The following EPB41L4A variants were observed in gnomAD, a reference collection of about 807,000 sequenced individuals.
The protein encoded by EPB41L4A is erythrocyte membrane protein band 4.1 like 4A.
A neutral mutation model predicts 108.6 loss-of-function variants in EPB41L4A; 100 were observed. The observed-to-expected ratio is 0.92, with a 90% CI of 0.78 to 1.09. The LOEUF (loss-of-function observed/expected upper bound fraction) is 1.09. Among genes scored for constraint, EPB41L4A ranks in the 50% least tolerant of loss-of-function variants. The pLI, the probability that EPB41L4A is intolerant of heterozygous loss-of-function variation, is 0.00. For missense variants in EPB41L4A, 1,030 were observed against 842.7 expected (o/e 1.22, Z -2.75); for synonymous variants, 319 against 289.0 (o/e 1.10, Z -1.05).
chr5:112,301,683 G>A (rs552897239), intron 2 of EPB41L4A, among the ~76,000 whole-genome samples: 62 of 152,214 alleles, frequency 4.1e-4, no homozygotes, highest in African/African-American at 1.4e-3. Flanking sequence ...CGATCCGTCC[G>A]AGTGGGAACT....
intron 12 of EPB41L4A, among the ~76,000 whole-genome samples, chr5:112,220,303 C>T (rs1363547231): frequency 6.6e-6 from 1 of 152,124 alleles, no homozygotes; most frequent in Admixed American, 6.6e-5. Flanking sequence ...CCGCTGGGTC[C>T]TCCTTCAATT....
At position 112,394,626 on chromosome 5, in the gene EPB41L4A, G is replaced by A. The variant is rs377702787; in HGVS notation, c.99+24315C>T. On this transcript the variant is annotated intron_variant, in intron 1 of 22. Transcript: ENST00000261486. ...AAATGGAAGAACATTCCATGCTCAT[G>A]GATAGGAAGAATCAATATTGTGAAA... is the stretch of plus-strand genomic sequence containing the variant. 2.0e-5 allele frequency among the ~76,000 whole-genome samples: 3 copies of A among 152,162 alleles called. No homozygotes were observed. The East Asian group carries it at 5.8e-4, about 29-fold the overall frequency.
At chr5:112,344,510 G>C (rs894026511) in intron 1 of EPB41L4A, among the ~76,000 whole-genome samples, 1 of 152,344 alleles carries the variant, frequency 6.6e-6, no homozygotes, top group East Asian at 1.9e-4. Flanking sequence ...AACTTGGTTA[G>C]GCTATGCTCC....
At chr5:112,300,543 T>C (rs1259510324) in intron 2 of EPB41L4A, among the ~76,000 whole-genome samples, 1 of 152,212 alleles carries the variant, frequency 6.6e-6, no homozygotes, top group Non-Finnish European at 1.5e-5. Context: ...TTTTCCTTTA[T>C]AGATTACCTA....
chr5:112,243,689 G>C (rs998668009), intron 9 of EPB41L4A, among the ~76,000 whole-genome samples: 4 of 152,134 alleles, frequency 2.6e-5, no homozygotes, highest in Non-Finnish European at 4.4e-5. Flanking sequence ...GCTTCACCTT[G>C]TACTTTTTAT....
At chr5:112,238,578 T>C (rs1749531857) in intron 11 of EPB41L4A, among the ~76,000 whole-genome samples, 3 of 152,208 alleles carry the variant, frequency 2.0e-5, no homozygotes, top group South Asian at 2.1e-4. Context: ...GTCCTGAAAA[T>C]GCTTGCCTTG....
chr5:112,270,839 A>T (rs1277434855), intron 4 of EPB41L4A, among the ~76,000 whole-genome samples: 3 of 152,208 alleles, frequency 2.0e-5, no homozygotes, highest in Non-Finnish European at 4.4e-5. Flanking sequence ...TCCTCAGCAA[A>T]ATGCTGTGAA....
intron 12 of EPB41L4A, among the ~76,000 whole-genome samples, chr5:112,223,332 T>A (rs143287972): frequency 6.6e-6 from 1 of 152,096 alleles, no homozygotes; most frequent in Non-Finnish European, 1.5e-5. Flanking sequence ...ATCTTTAACA[T>A]TGATATTAAT....
chr5:112,304,113 G>T lies in EPB41L4A; in HGVS notation c.204+3273C>A, dbSNP rs116391009. Among the ~76,000 whole-genome samples the T allele has an allele frequency of 4.2e-3, 646 of 152,190 alleles. 6 individuals are homozygous for T. Among genetic ancestry groups the T allele is most frequent in the African/African-American group, 0.015 (609 of 41,522 alleles). ...GATTGCTTTTATTGTCTTAGCAAGG[G>T]AAAAACAGAGTTCACTGGCAGAAGA... is the stretch of plus-strand genomic sequence containing the variant. On this transcript the variant is annotated intron_variant, in intron 2 of 22. Transcript: ENST00000261486.
downstream of EPB41L4A, among the ~76,000 whole-genome samples, chr5:112,158,716 C>T (rs1759736643): frequency 6.6e-6 from 1 of 152,144 alleles, no homozygotes; most frequent in Non-Finnish European, 1.5e-5. Flanking sequence ...AAGTGCCAAG[C>T]AAAGATCTGG....
intron 1 of EPB41L4A, among the ~76,000 whole-genome samples, chr5:112,340,902 C>A (rs1308286668): frequency 1.3e-5 from 2 of 152,288 alleles, no homozygotes; most frequent in Admixed American, 6.5e-5. Context: ...ACCCTTCGAC[C>A]TTTCCACCTA....
At chr5:112,205,108 T>C (rs1762409824) in intron 14 of EPB41L4A, among the ~76,000 whole-genome samples, 1 of 152,242 alleles carries the variant, frequency 6.6e-6, no homozygotes, top group South Asian at 2.1e-4. Flanking sequence ...ACCAAAACTA[T>C]GAAATGGGGA....
chr5:112,168,108 T>C (rs1760362380), intron 22 of EPB41L4A, among the ~76,000 whole-genome samples: 1 of 152,252 alleles, frequency 6.6e-6, no homozygotes, highest in Non-Finnish European at 1.5e-5. Context: ...AACTGTCTTA[T>C]TCAGCCCACA....
chr5:112,220,997 G>A (rs777342869), intron 12 of EPB41L4A, among the ~76,000 whole-genome samples: 48 of 152,210 alleles, frequency 3.2e-4, no homozygotes, highest in Non-Finnish European at 2.6e-4. Flanking sequence ...ATTTCTTTGG[G>A]TCTTCATTTC....
chr5:112,187,711 T>A (rs549511171), intron 17 of EPB41L4A, among the ~76,000 whole-genome samples: 3 of 152,314 alleles, frequency 2.0e-5, no homozygotes, highest in Admixed American at 6.5e-5. Flanking sequence ...TATTGTGTCC[T>A]CTCCCTTTAG....
chr5:112,339,544 T>TATATATA (rs1561585791), intron 1 of EPB41L4A, among the ~76,000 whole-genome samples: 1 of 81,584 alleles, frequency 1.2e-5, no homozygotes, highest in African/African-American at 4.8e-5. Context: ...ATATATATAT[T>TATATATA]TTTTTTTTAG....
At chr5:112,401,976 C>T (rs544428901) in intron 1 of EPB41L4A, among the ~76,000 whole-genome samples, 4 of 152,260 alleles carry the variant, frequency 2.6e-5, no homozygotes, top group South Asian at 2.1e-4. Flanking sequence ...AACCCCAACA[C>T]GTTAGGTGGA....
chr5:112,226,486 A>C (rs1748462225), intron 12 of EPB41L4A, among the ~76,000 whole-genome samples: 1 of 152,214 alleles, frequency 6.6e-6, no homozygotes, highest in East Asian at 1.9e-4. Context: ...CCTGGCAGCT[A>C]ATTACTTCAA....
intron 12 of EPB41L4A, 127 bp from the exon 13 acceptor site, chr5:112,210,109 AC>A (rs1762664584): frequency 1.8e-6 from 1 of 566,426 alleles, no homozygotes; most frequent in Non-Finnish European, 3.1e-6. Context: ...ATAAATTATA[AC>A]CCCAAATAAA....
Sources: allele counts gnomAD v4.1 joint callset (sites outside exome capture counted in the v4.1 genomes callset), GRCh38; gene constraint gnomAD v4.1.1; transcripts MANE v1.5; gene names NCBI Gene and HGNC (gene_info 2026-07-23, HGNC 2026-07-21).